The following PRKN variants were observed in gnomAD, a reference collection of about 807,000 sequenced individuals.
The protein encoded by PRKN is parkin RBR E3 ubiquitin protein ligase.
Under a neutral mutation model 59.5 loss-of-function variants are expected in PRKN, and 56 were observed. The ratio of observed to expected loss-of-function variants is 0.94; its 90% CI spans 0.76 to 1.18. The LOEUF is 1.18. Ranked by LOEUF, PRKN falls within the 50% of genes most tolerant of loss-of-function variation. The probability of loss-of-function intolerance (pLI) is 0.00; values close to 1 mark genes in which losing one functional copy is unlikely to be tolerated. For missense variants in PRKN, 657 were observed against 596.4 expected (o/e 1.10, Z -1.06); for synonymous variants, 250 against 222.1 (o/e 1.13, Z -1.12).
At chr6:162,681,627 T>C (rs1228046875) in intron 1 of PRKN, among the ~76,000 whole-genome samples, 2 of 152,272 alleles carry the variant, frequency 1.3e-5, no homozygotes, top group East Asian at 1.9e-4. Context: ...AAGCCTTCAT[T>C]TGCATAGAAG....
intron 7 of PRKN, among the ~76,000 whole-genome samples, chr6:161,751,045 T>C (rs1788670620): frequency 6.6e-6 from 1 of 152,222 alleles, no homozygotes; most frequent in Non-Finnish European, 1.5e-5. Flanking sequence ...ATACATTTTC[T>C]TTCACTTCAT....
At chr6:162,356,735 T>G (rs1583432522) in intron 2 of PRKN, among the ~76,000 whole-genome samples, 1 of 119,216 alleles carries the variant, frequency 8.4e-6, no homozygotes, top group Admixed American at 9.3e-5. Flanking sequence ...AGTAATAAAG[T>G]GTGATTATTA....
rs138691337 is a variant in PRKN, at chr6:162,316,152, G to A, written c.172-53387C>T. ...GCTGGGGAAATCAAGAGGAGCAGTG[G>A]CCAGGAAAAATGTGCGTGACTTAGG... On this transcript the variant is annotated intron_variant, in intron 2 of 11. Transcript: ENST00000366898. Among the ~76,000 whole-genome samples, 162 of 151,962 alleles carry A rather than the reference G, an allele frequency of 1.1e-3. 1 individual carries two copies. Among genetic ancestry groups the A allele is most frequent in the African/African-American group, 3.6e-3 (150 of 41,466 alleles).
At chr6:162,724,073 A>G (rs1779035089) in intron 1 of PRKN, among the ~76,000 whole-genome samples, 1 of 152,244 alleles carries the variant, frequency 6.6e-6, no homozygotes, top group African/African-American at 2.4e-5. Context: ...ACCTAAATCC[A>G]GTTCTACAGA....
intron 1 of PRKN, among the ~76,000 whole-genome samples, chr6:162,636,916 T>C (rs897564357): frequency 1.3e-5 from 2 of 150,458 alleles, no homozygotes; most frequent in African/African-American, 4.9e-5. Context: ...GCCATGACAG[T>C]GCCACTGCAC....
intron 1 of PRKN, 85 bp from the exon 2 acceptor site, chr6:162,443,558 T>G: frequency 7.8e-7 from 1 of 1,279,416 alleles, no homozygotes; most frequent in Non-Finnish European, 1.1e-6. Flanking sequence ...CTCAACCGAT[T>G]TACCCCTCGC....
chr6:162,411,477 C>A (rs1280971175), intron 2 of PRKN, among the ~76,000 whole-genome samples: 1 of 152,152 alleles, frequency 6.6e-6, no homozygotes, highest in Non-Finnish European at 1.5e-5. Context: ...CCAAGGAGGA[C>A]TGTAATACTG....
At chr6:162,272,234 T>A (rs930176610) in intron 2 of PRKN, among the ~76,000 whole-genome samples, 1 of 152,136 alleles carries the variant, frequency 6.6e-6, no homozygotes, top group East Asian at 1.9e-4. Flanking sequence ...GGATTTCACT[T>A]CTCTGGGTTC....
At chr6:161,603,236 C>T (rs1782167476) in intron 7 of PRKN, among the ~76,000 whole-genome samples, 1 of 152,142 alleles carries the variant, frequency 6.6e-6, no homozygotes, top group Non-Finnish European at 1.5e-5. Context: ...CCCCGGGTTC[C>T]TAAATCAGCA....
In PRKN at chr6:162,491,869, G is replaced by C. The variant is rs953094056; in HGVS notation, c.8-48396C>G. ...CCTGAGCAAAAGTATCCTGTCAGCA[G>C]ATCACGTGTTCCCTGAGAAATAAAC... On this transcript the variant is annotated intron_variant, in intron 1 of 11. Transcript: ENST00000366898. Among the ~76,000 whole-genome samples, 7 of 152,186 alleles carry C rather than the reference G, an allele frequency of 4.6e-5. 1 individual carries two copies. Among genetic ancestry groups the C allele is most frequent in the Non-Finnish European group, 4.4e-5 (3 of 68,034 alleles).
chr6:162,333,534 T>C (rs1236072097), intron 2 of PRKN, among the ~76,000 whole-genome samples: 3 of 152,182 alleles, frequency 2.0e-5, no homozygotes, highest in Non-Finnish European at 4.4e-5. Context: ...AAATATCGTC[T>C]AGTTTTGGGG....
chr6:162,227,695 T>C (rs1211225852), intron 3 of PRKN, among the ~76,000 whole-genome samples: 1 of 152,134 alleles, frequency 6.6e-6, no homozygotes, highest in East Asian at 1.9e-4. Context: ...AAAAACATAG[T>C]AGGGAAAAAT....
chr6:161,572,826 G>T (rs150673240), intron 7 of PRKN, among the ~76,000 whole-genome samples: 2 of 152,270 alleles, frequency 1.3e-5, no homozygotes, highest in East Asian at 3.9e-4. Context: ...AGAGACCACG[G>T]AGACTTGCAG....
At chr6:162,578,475 A>C (rs1780650494) in intron 1 of PRKN, among the ~76,000 whole-genome samples, 1 of 152,206 alleles carries the variant, frequency 6.6e-6, no homozygotes, top group Non-Finnish European at 1.5e-5. Flanking sequence ...ATTTAAACAA[A>C]CAGCATAAAT....
chr6:161,898,542 A>C (rs1212814415), intron 6 of PRKN, among the ~76,000 whole-genome samples: 2 of 152,184 alleles, frequency 1.3e-5, no homozygotes, highest in Admixed American at 6.5e-5. Context: ...GCCATCGTTT[A>C]TGGGAAAACG....
chr6:162,577,167 G>C (rs1044179232), intron 1 of PRKN, among the ~76,000 whole-genome samples: 2 of 151,786 alleles, frequency 1.3e-5, no homozygotes, highest in Admixed American at 6.6e-5. Context: ...AAAAAGCTCT[G>C]ATAAATATGA....
At chr6:162,111,953 A>G (rs1188793122) in intron 4 of PRKN, among the ~76,000 whole-genome samples, 1 of 152,228 alleles carries the variant, frequency 6.6e-6, no homozygotes, top group Non-Finnish European at 1.5e-5. Context: ...CCAGATACAG[A>G]GAATCAAAAT....
intron 2 of PRKN, among the ~76,000 whole-genome samples, chr6:162,323,108 T>A (rs1458590813): frequency 6.8e-6 from 1 of 147,332 alleles, no homozygotes; most frequent in African/African-American, 2.5e-5. Context: ...CACTGGGAGA[T>A]ATACCTAATG....
At chr6:161,844,047 A>T (rs1163197096) in intron 6 of PRKN, among the ~76,000 whole-genome samples, 5 of 152,196 alleles carry the variant, frequency 3.3e-5, no homozygotes, top group Admixed American at 2.6e-4. Flanking sequence ...TAAGGCAACA[A>T]GAAAATTTAG....
Sources: gnomAD v4.1 joint callset for allele counts (sites outside exome capture counted in the v4.1 genomes callset) on GRCh38, gnomAD v4.1.1 for gene constraint, MANE v1.5 for transcripts, NCBI Gene and HGNC (gene_info 2026-07-23, HGNC 2026-07-21) for gene names.